The following PPME1 variants were observed in gnomAD, a reference collection of about 807,000 sequenced individuals.
The protein encoded by PPME1 is protein phosphatase methylesterase 1.
In PPME1, 17 loss-of-function variants were observed where a neutral mutation model predicts 56.9. That is an observed-to-expected ratio of 0.30 (90% CI 0.20 to 0.45). The LOEUF (loss-of-function observed/expected upper bound fraction) is 0.45, where lower values mean the gene tolerates loss of function less well. Among genes scored for constraint, PPME1 ranks in the 20% least tolerant of loss-of-function variants. The probability of loss-of-function intolerance (pLI) is 1.00; values close to 1 mark genes in which losing one functional copy is unlikely to be tolerated. For missense variants in PPME1, 357 were observed against 483.2 expected (o/e 0.74, Z 2.45); for synonymous variants, 122 against 156.2 (o/e 0.78, Z 1.63).
chr11:74,227,276 A>G (rs1348811832), intron 5 of PPME1, among the ~76,000 whole-genome samples: 1 of 152,174 alleles, frequency 6.6e-6, no homozygotes, highest in Non-Finnish European at 1.5e-5. Flanking sequence ...CCTCACATCT[A>G]TTTTTGTAGA....
chr11:74,223,128 T>G (rs962243840), intron 4 of PPME1, among the ~76,000 whole-genome samples: 16 of 150,158 alleles, frequency 1.1e-4, no homozygotes, highest in African/African-American at 2.0e-4. Flanking sequence ...GAGTGTGATA[T>G]TCCCCTTCCT....
chr11:74,203,853 G>T, intron 2 of PPME1, 32 bp downstream of exon 2: 2 of 1,475,504 alleles, frequency 1.4e-6, no homozygotes, highest in South Asian at 1.2e-5. Flanking sequence ...ATTCTTTAGT[G>T]AGCTTATGAT....
At chr11:74,208,833 T>C (rs1254839275) in intron 3 of PPME1, among the ~76,000 whole-genome samples, 2 of 152,138 alleles carry the variant, frequency 1.3e-5, no homozygotes. Flanking sequence ...AGAAGTTGGA[T>C]TAGTAGGGAA....
chr11:74,213,008 G>T (rs905274705), intron 3 of PPME1, among the ~76,000 whole-genome samples: 3 of 152,186 alleles, frequency 2.0e-5, no homozygotes, highest in African/African-American at 7.2e-5. Flanking sequence ...TTAGGTGCCA[G>T]TGGGGTAGAG....
chr11:74,253,551 TA>T lies in PPME1; in HGVS notation c.*44del. On this transcript the variant is annotated 3_prime_UTR_variant, in exon 14 of 14. Transcript: ENST00000328257. ...CCCTCCTCAACATCGAGCTCTGTTG[TA>T]AATACGTCGCACCAGAGGCCACTGT... The T allele has an allele frequency of 6.3e-7, 1 of 1,577,910 alleles. No individual in the cohort carries two copies. The highest frequency in any genetic ancestry group is 8.7e-7 in the Non-Finnish European group (1 of 1,147,098).
In PPME1 at chr11:74,242,628, C is replaced by G. The variant is rs10898965; in HGVS notation, c.834+3372C>G. Among the ~76,000 whole-genome samples, 351 of 152,142 alleles carry G rather than the reference C, an allele frequency of 2.3e-3. 1 individual carries two copies. The highest frequency in any genetic ancestry group is 8.2e-3 in the African/African-American group (340 of 41,516). On this transcript the variant is annotated intron_variant, in intron 9 of 13. Coordinates refer to ENST00000328257, the MANE Select transcript of PPME1 (RefSeq NM_016147.3). ...GGGTGCAGTGGCTCATGTCTGTAAT[C>G]TCAGCGCTTTGGGAGGCCGAGGTGG...
intron 1 of PPME1, among the ~76,000 whole-genome samples, chr11:74,194,829 G>A (rs557652145): frequency 2.0e-5 from 3 of 152,166 alleles, no homozygotes; most frequent in Non-Finnish European, 4.4e-5. Flanking sequence ...GATGGAGGAT[G>A]TGTTTCATCA....
intron 1 of PPME1, among the ~76,000 whole-genome samples, chr11:74,182,666 A>G (rs1225033741): frequency 2.0e-5 from 3 of 152,174 alleles, no homozygotes; most frequent in Non-Finnish European, 2.9e-5. Flanking sequence ...GTCAGGTAAC[A>G]ATTCTAACAT....
intron 7 of PPME1, among the ~76,000 whole-genome samples, chr11:74,234,376 CTTGATA>C (rs1216321681): frequency 6.6e-6 from 1 of 152,128 alleles, no homozygotes; most frequent in Non-Finnish European, 1.5e-5. Flanking sequence ...GACCTAGGAA[CTTGATA>C]TTGATAGGAA....
intron 3 of PPME1, among the ~76,000 whole-genome samples, chr11:74,216,540 A>G (rs746355827): frequency 6.6e-5 from 10 of 152,210 alleles, no homozygotes; most frequent in Non-Finnish European, 1.5e-4. Flanking sequence ...TCAAGAATGT[A>G]GAAAACTCTC....
At chr11:74,242,750 G>A (rs1255626346) in intron 9 of PPME1, among the ~76,000 whole-genome samples, 1 of 151,750 alleles carries the variant, frequency 6.6e-6, no homozygotes, top group Non-Finnish European at 1.5e-5. Flanking sequence ...GTGGTGGCGT[G>A]CGTCTGTAGT....
intron 3 of PPME1, among the ~76,000 whole-genome samples, chr11:74,212,369 T>C (rs1294011654): frequency 1.3e-5 from 2 of 152,160 alleles, no homozygotes; most frequent in East Asian, 3.9e-4. Context: ...CTGGAAAGCC[T>C]TGCCACCCAA....
At chr11:74,222,260 G>T in intron 3 of PPME1, 52 bp from the exon 4 acceptor site, 1 of 1,381,044 alleles carries the variant, frequency 7.2e-7, no homozygotes, top group Non-Finnish European at 1.0e-6. Flanking sequence ...TGGGAATTGG[G>T]TGAAATTTGT....
At chr11:74,208,226 C>T (rs1338081543) in intron 3 of PPME1, among the ~76,000 whole-genome samples, 3 of 151,544 alleles carry the variant, frequency 2.0e-5, no homozygotes, top group Non-Finnish European at 2.9e-5. Flanking sequence ...GCAGGAGAAA[C>T]GCTTGAACAC....
intron 3 of PPME1, among the ~76,000 whole-genome samples, chr11:74,207,905 C>T (rs1858367819): frequency 6.6e-6 from 1 of 152,180 alleles, no homozygotes; most frequent in South Asian, 2.1e-4. Context: ...AGAATTGAAC[C>T]TGAGTGTCTG....
At chr11:74,204,519 A>T in intron 3 of PPME1, 74 bp downstream of exon 3, 3 of 1,257,532 alleles carry the variant, frequency 2.4e-6, no homozygotes, top group Non-Finnish European at 3.4e-6. Context: ...CAAATCTTGG[A>T]AGTTAACACA....
At chr11:74,174,592 A>G (rs1857363100) in intron 1 of PPME1, among the ~76,000 whole-genome samples, 1 of 152,090 alleles carries the variant, frequency 6.6e-6, no homozygotes, top group Non-Finnish European at 1.5e-5. Flanking sequence ...TTCACTAAAC[A>G]TTATTTAGGC....
intron 1 of PPME1, among the ~76,000 whole-genome samples, chr11:74,196,490 C>G (rs1304005814): frequency 2.6e-5 from 4 of 152,180 alleles, no homozygotes; most frequent in African/African-American, 9.6e-5. Context: ...GTCCCAATAT[C>G]ATATCCCCCA....
At chr11:74,220,356 G>A (rs899541924) in intron 3 of PPME1, among the ~76,000 whole-genome samples, 1 of 152,136 alleles carries the variant, frequency 6.6e-6, no homozygotes, top group Non-Finnish European at 1.5e-5. Context: ...AGGATAGTGG[G>A]CCTTCATTTT....
Sources: allele counts gnomAD v4.1 joint callset (sites outside exome capture counted in the v4.1 genomes callset), GRCh38; gene constraint gnomAD v4.1.1; transcripts MANE v1.5; gene names NCBI Gene and HGNC (gene_info 2026-07-23, HGNC 2026-07-21).